Variants in SLC35A5 observed in about 807,000 individuals in gnomAD.
The protein encoded by SLC35A5 is solute carrier family 35 member A5, also known as UDP-sugar transporter protein SLC35A5.
A neutral mutation model predicts 36.3 loss-of-function variants in SLC35A5; 28 were observed. The ratio of observed to expected loss-of-function variants is 0.77; its 90% CI spans 0.57 to 1.06. The LOEUF (loss-of-function observed/expected upper bound fraction) is 1.06, where lower values mean the gene tolerates loss of function less well. Among genes scored for constraint, SLC35A5 ranks in the 50% least tolerant of loss-of-function variants. The pLI, the probability that SLC35A5 is intolerant of heterozygous loss-of-function variation, is 0.00. For synonymous variants in SLC35A5, 180 were observed against 173.7 expected (o/e 1.04, Z -0.29); for missense variants, 521 against 499.3 (o/e 1.04, Z -0.41).
upstream of SLC35A5, chr3:112,561,856 CTG>C: frequency 2.8e-6 from 1 of 352,508 alleles, no homozygotes; most frequent in Non-Finnish European, 5.2e-6. Context: ...CCCTCGCCCT[CTG>C]CGAGCTGTCT....
At chr3:112,561,361 T>C, upstream of SLC35A5, 2 of 1,317,122 alleles carry the variant, frequency 1.5e-6, no homozygotes, top group South Asian at 1.2e-5. Context: ...TTCCTACACC[T>C]TGCCCCGCCG....
chr3:112,584,669 C>T lies in SLC35A5; in HGVS notation c.*1933C>T, dbSNP rs1345610943. ...TGGAACTAAAAATGTTCTATTCAACCCAGCAATCCCTCTACTGGGTACCTA... is the reference window on the plus strand; with the variant it reads ...TGGAACTAAAAATGTTCTATTCAACTCAGCAATCCCTCTACTGGGTACCTA... On this transcript the variant is annotated 3_prime_UTR_variant, in exon 7 of 7. Transcript: ENST00000492406. 6.6e-6 allele frequency: 1 copy of T among 152,074 alleles called. No homozygotes were observed. The highest frequency in any genetic ancestry group is 1.5e-5 in the Non-Finnish European group (1 of 68,004). The allele number at this position is 152,074 out of a possible 1,614,324, so 9.4% of individuals were successfully genotyped here.
rs1181986536 is a variant in SLC35A5, at chr3:112,584,515, A to G, written c.*1779A>G. 1 of 152,158 alleles carries G rather than the reference A, an allele frequency of 6.6e-6. No individual in the cohort carries two copies. The highest frequency in any genetic ancestry group is 6.5e-5 in the Admixed American group (1 of 15,268). 9.4% of individuals were successfully genotyped at this position (152,158 alleles called of 1,614,324 possible). ...GTAGTGCATGGAGATTGATTTTCTT[A>G]TTTACGATTACTTTTTTTCCTCACC... On this transcript the variant is annotated 3_prime_UTR_variant, in exon 7 of 7. Coordinates refer to ENST00000492406, the MANE Select transcript of SLC35A5 (RefSeq NM_017945.5).
chr3:112,561,654 G>A (rs1433264129), upstream of SLC35A5: 8 of 988,380 alleles, frequency 8.1e-6, no homozygotes, highest in East Asian at 5.6e-5. Context: ...CAGCACCCGA[G>A]GGGACGGGAC....
chr3:112,561,678 A>C (rs999621211), upstream of SLC35A5: 9 of 752,224 alleles, frequency 1.2e-5, no homozygotes, highest in Non-Finnish European at 1.9e-5. Context: ...ACGCGACGGG[A>C]CGGGCGGGAC....
At position 112,581,008 on chromosome 3, in the gene SLC35A5, A is replaced by G; in HGVS notation, c.891A>G (p.Gly297=). 1 of 1,614,028 alleles carries G rather than the reference A, an allele frequency of 6.2e-7. No homozygotes were observed. Among genetic ancestry groups the G allele is most frequent in the South Asian group, 1.1e-5 (1 of 91,076 alleles). Residue 297 remains glycine (G), a synonymous_variant, in exon 6 of 7, where the codon GGA becomes GGG. Coordinates refer to ENST00000492406, the MANE Select transcript of SLC35A5 (RefSeq NM_017945.5). ...ACCGTGATCAGATTAAGAACTGTGG[A>G]TTTTTTTATGGCCACAGTGCATTTT... ...RSNRDQIKNC[G]FFYGHSAFSV...
At position 112,572,402 on chromosome 3, in the gene SLC35A5, A is replaced by G. The variant is rs546693695; in HGVS notation, c.361-1487A>G. On this transcript the variant is annotated intron_variant, in intron 4 of 6. Transcript: ENST00000492406. Reference sequence around the variant, plus strand: ...ACCTGAAGTTTTCTTTGGCTCTGTAATGCATGTTGCTAATAAGTGTCCAGT... The same window carrying G: ...ACCTGAAGTTTTCTTTGGCTCTGTAGTGCATGTTGCTAATAAGTGTCCAGT... Among the ~76,000 whole-genome samples, 441 of 152,266 alleles carry G rather than the reference A, an allele frequency of 2.9e-3. 1 individual carries two copies. The highest frequency in any genetic ancestry group is 9.6e-3 in the African/African-American group (398 of 41,554).
Position 112,584,338 on chromosome 3 carries a change from G to A in SLC35A5, c.*1602G>A, listed in dbSNP as rs1935063447. ...AAATACGAAGATTATATCTATTATG[G>A]CGATTTATTTTAAAGGTAAGGGAAA... is the stretch of plus-strand genomic sequence containing the variant. On this transcript the variant is annotated 3_prime_UTR_variant, in exon 7 of 7. Coordinates refer to ENST00000492406, the MANE Select transcript of SLC35A5 (RefSeq NM_017945.5). 6.6e-6 allele frequency: 1 copy of A among 152,034 alleles called. No homozygotes were observed. The highest frequency in any genetic ancestry group is 6.5e-5 in the Admixed American group (1 of 15,268). 9.4% of individuals were successfully genotyped at this position (152,034 alleles called of 1,614,324 possible). A position where few individuals can be genotyped will look rare whatever the true frequency, so the allele number is the denominator to read the frequency against.
intron 2 of SLC35A5, among the ~76,000 whole-genome samples, chr3:112,565,327 A>G (rs534959946): frequency 6.6e-6 from 1 of 152,370 alleles, no homozygotes; most frequent in South Asian, 2.1e-4. Flanking sequence ...CAAATGGATC[A>G]GAGAACACTT....
At chr3:112,581,503 A>G (rs571141162) in intron 6 of SLC35A5, among the ~76,000 whole-genome samples, 177 bp downstream of exon 6, 1 of 152,222 alleles carries the variant, frequency 6.6e-6, no homozygotes, top group Admixed American at 6.5e-5. Flanking sequence ...GCTCATAATC[A>G]ATGCTGTCAG....
At chr3:112,563,554 T>C (rs1301609772) in intron 2 of SLC35A5, 21 bp downstream of exon 2, 5 of 1,574,608 alleles carry the variant, frequency 3.2e-6, no homozygotes, top group Non-Finnish European at 4.3e-6. Context: ...ACTTGGTATA[T>C]GCATGGAGCA....
chr3:112,565,242 A>G (rs976468728), intron 2 of SLC35A5, among the ~76,000 whole-genome samples: 9 of 152,212 alleles, frequency 5.9e-5, no homozygotes, highest in African/African-American at 2.2e-4. Context: ...GCAATAATTG[A>G]TATATCCTGA....
At chr3:112,574,651 AATTT>A (rs201114572) in intron 5 of SLC35A5, among the ~76,000 whole-genome samples, 4,564 of 151,760 alleles carry the variant, frequency 0.03, 97 homozygotes, top group South Asian at 0.055. Flanking sequence ...AAATAAAATT[AATTT>A]CTTATTAGAT....
chr3:112,579,807 C>T (rs567199178), intron 5 of SLC35A5, among the ~76,000 whole-genome samples: 9 of 152,184 alleles, frequency 5.9e-5, no homozygotes, highest in African/African-American at 1.9e-4. Flanking sequence ...TCTTTATCGC[C>T]CCAGGTTGCC....
intron 6 of SLC35A5, among the ~76,000 whole-genome samples, 170 bp from the exon 7 acceptor site, chr3:112,582,499 CCT>C (rs1934972516): frequency 6.6e-6 from 1 of 152,072 alleles, no homozygotes; most frequent in African/African-American, 2.4e-5. Flanking sequence ...ACTTTTTTAT[CCT>C]CTCATACTTC....
In SLC35A5 at chr3:112,569,162, A is replaced by G; in HGVS notation, c.131-9A>G. On this transcript the variant is annotated splice_polypyrimidine_tract_variant and intron_variant, in intron 2 of 6. Coordinates refer to ENST00000492406, the MANE Select transcript of SLC35A5 (RefSeq NM_017945.5). ...TATATAGTTAAAAAACATTTCTGTT[A>G]CATTTCAGAAAACAAGTATGATTAT... 1 of 1,602,680 alleles carries G rather than the reference A, an allele frequency of 6.2e-7. No homozygotes were observed. Among genetic ancestry groups the G allele is most frequent in the Non-Finnish European group, 8.5e-7 (1 of 1,170,442 alleles).
rs781661967 is a variant in SLC35A5 at position 112,581,088 on chromosome 3, T to C, written c.971T>C (p.Leu324Pro). 2.8e-5 allele frequency: 46 copies of C among 1,614,096 alleles called. No homozygotes were observed. In the Middle Eastern group the frequency reaches 1.3e-3, roughly 46 times the overall value. The change falls in exon 6 of 7, where the codon CTG (leucine) becomes CCG (proline). Residue 324 changes from leucine to proline, a missense_variant. Coordinates refer to ENST00000492406, the MANE Select transcript of SLC35A5 (RefSeq NM_017945.5). ...CAGGGCCTTTCAGTGGCTTTCATTC[T>C]GAAGTTCCTGGATAACATGTTCCAT... ...AFQGLSVAFI[L>P]KFLDNMFHVL... is the part of the protein sequence containing the mutation.
At chr3:112,561,635 C>T (rs781383488), upstream of SLC35A5, 14 of 1,191,838 alleles carry the variant, frequency 1.2e-5, no homozygotes, top group Admixed American at 2.4e-4. Context: ...CGCATCAGCA[C>T]CCGGCTGGCA....
At chr3:112,574,031 C>A in intron 5 of SLC35A5, 75 bp downstream of exon 5, 1 of 1,284,064 alleles carries the variant, frequency 7.8e-7, no homozygotes, top group Non-Finnish European at 1.1e-6. Context: ...ATACCCAGAA[C>A]ACTGAGCCGT....
Sources: gnomAD v4.1 joint callset for allele counts (sites outside exome capture counted in the v4.1 genomes callset) on GRCh38, gnomAD v4.1.1 for gene constraint, MANE v1.5 for transcripts, NCBI Gene and HGNC (gene_info 2026-07-23, HGNC 2026-07-21) for gene names.